Variants in GPC5 observed in about 807,000 individuals in gnomAD.
GPC5 encodes the protein glypican 5, also known as glypican-5.
In GPC5, 47 loss-of-function variants were observed where a neutral mutation model predicts 53.9. The ratio of observed to expected loss-of-function variants is 0.87; its 90% confidence interval spans 0.69 to 1.11. The LOEUF is 1.11. Ranked by LOEUF, GPC5 falls within the 50% of genes most tolerant of loss-of-function variation. GPC5 has a pLI of 0.00. For synonymous variants in GPC5, 286 were observed against 263.3 expected, an observed-to-expected ratio of 1.09 and a Z score of -0.84; for missense variants, 748 against 713.1, an observed-to-expected ratio of 1.05 and a Z score of -0.56.
chr13:92,666,650 T>C (rs777586535), intron 7 of GPC5, among the ~76,000 whole-genome samples: 30 of 152,204 alleles, frequency 2.0e-4, no homozygotes, highest in Non-Finnish European at 3.5e-4. Flanking sequence ...AAAATTTCCA[T>C]TTCCTATGCT....
rs9589382 is a variant in GPC5, at chr13:91,964,026, G to T, written c.1401+55969G>T. ...GAATTGGTGGGTTCTTGGTCTCGCC[G>T]ACTTCAAGAATGAAGCCATGGACTC... On this transcript the variant is annotated intron_variant, in intron 6 of 7. Transcript: ENST00000377067. Among the ~76,000 whole-genome samples the T allele has an allele frequency of 4.6e-5, 7 of 152,194 alleles. No individual in the cohort carries two copies. The South Asian group carries it at 6.2e-4, about 14-fold the overall frequency.
At chr13:92,554,456 G>A (rs1453748371) in intron 7 of GPC5, among the ~76,000 whole-genome samples, 3 of 151,134 alleles carry the variant, frequency 2.0e-5, no homozygotes, top group Non-Finnish European at 4.4e-5. Flanking sequence ...TATTTCTATT[G>A]TATTTTCCTA....
chr13:92,002,221 A>G (rs929295142), intron 6 of GPC5, among the ~76,000 whole-genome samples: 1 of 152,216 alleles, frequency 6.6e-6, no homozygotes, highest in Admixed American at 6.5e-5. Context: ...GAAAGGTTAA[A>G]AAAGAATGCT....
rs1310274816 is a variant in GPC5 at position 92,240,141 on chromosome 13, A to G, written c.1561+95152A>G. ...AAGACGTTATCAATACTATTCTAAT[A>G]CTGATGTTGTAGATTATATCTATTT... On this transcript the variant is annotated intron_variant, in intron 7 of 7. Transcript: ENST00000377067. The G allele has an allele frequency of 2.0e-5, 3 of 152,164 alleles. No homozygotes were observed. The East Asian group carries it at 5.8e-4, about 29-fold the overall frequency. The allele number at this position is 152,164 out of a possible 1,614,324, so 9.4% of individuals were successfully genotyped here. A position where few individuals can be genotyped will look rare whatever the true frequency, so the allele number is the denominator to read the frequency against.
chr13:91,621,761 T>TATATATCTATATATA (rs11462875), intron 2 of GPC5, among the ~76,000 whole-genome samples: 1 of 46,866 alleles, frequency 2.1e-5, no homozygotes, highest in East Asian at 7.3e-4. Context: ...GGACAGAACA[T>TATATATCTATATATA]TATATATATA....
chr13:91,880,598 C>G (rs574615077), intron 5 of GPC5, among the ~76,000 whole-genome samples: 2 of 152,082 alleles, frequency 1.3e-5, no homozygotes, highest in African/African-American at 2.4e-5. Context: ...TATTCTCACT[C>G]GTCAGACATT....
chr13:91,523,169 G>A (rs1594205306), intron 2 of GPC5, among the ~76,000 whole-genome samples: 1 of 152,276 alleles, frequency 6.6e-6, no homozygotes, highest in East Asian at 1.9e-4. Context: ...TGGTCATTTT[G>A]GAAAGCAGAA....
At chr13:92,369,030 T>C (rs528411787) in intron 7 of GPC5, among the ~76,000 whole-genome samples, 2 of 152,332 alleles carry the variant, frequency 1.3e-5, no homozygotes, top group South Asian at 4.1e-4. Context: ...TGTTTGGATG[T>C]ATTCATTCAC....
At position 91,460,102 on chromosome 13, in the gene GPC5, T is replaced by G. The variant is rs140486827; in HGVS notation, c.325+11180T>G. Among the ~76,000 whole-genome samples, 202 of 152,236 alleles carry G rather than the reference T, an allele frequency of 1.3e-3. 1 individual carries two copies. Among genetic ancestry groups the G allele is most frequent in the African/African-American group, 4.5e-3 (185 of 41,566 alleles). Reference sequence around the variant, plus strand: ...AACATGCTTATGTAAAAATTGAAAATAGAATTATTTATTAGTCAATAACCC... The same window carrying G: ...AACATGCTTATGTAAAAATTGAAAAGAGAATTATTTATTAGTCAATAACCC... On this transcript the variant is annotated intron_variant, in intron 2 of 7. Transcript: ENST00000377067.
At chr13:92,704,344 G>C (rs545099015) in intron 7 of GPC5, among the ~76,000 whole-genome samples, 1 of 152,136 alleles carries the variant, frequency 6.6e-6, no homozygotes, top group African/African-American at 2.4e-5. Context: ...CAATATGAGA[G>C]AATTTCCATG....
intron 7 of GPC5, among the ~76,000 whole-genome samples, chr13:92,501,770 T>C (rs1880191713): frequency 6.6e-6 from 1 of 152,112 alleles, no homozygotes; most frequent in Admixed American, 6.6e-5. Flanking sequence ...AGATTTCTCA[T>C]CAGAAATTGT....
intron 5 of GPC5, among the ~76,000 whole-genome samples, chr13:91,786,863 T>A (rs1233686138): frequency 1.3e-5 from 2 of 152,088 alleles, no homozygotes; most frequent in African/African-American, 2.4e-5. Flanking sequence ...GGGCTCTTCA[T>A]CATTCTTTTT....
chr13:92,257,546 A>ATTTTTGTTTTTTTTTTTTTTTTTTTT (rs2042735211), intron 7 of GPC5, among the ~76,000 whole-genome samples: 2 of 72,966 alleles, frequency 2.7e-5, no homozygotes, highest in Non-Finnish European at 2.3e-5. Context: ...TAATACAGGG[A>ATTTTTGTTTTTTTTTTTTTTTTTTTT]TTTTTTTTTT....
intron 7 of GPC5, among the ~76,000 whole-genome samples, chr13:92,465,594 T>C (rs76170790): frequency 6.6e-6 from 1 of 152,022 alleles, no homozygotes; most frequent in African/African-American, 2.4e-5. Context: ...CATGTGTATA[T>C]TTTTTTAATC....
chr13:91,704,059 T>C (rs2036047307), intron 3 of GPC5, among the ~76,000 whole-genome samples: 1 of 152,196 alleles, frequency 6.6e-6, no homozygotes, highest in Non-Finnish European at 1.5e-5. Flanking sequence ...TTCTGGTTGA[T>C]CTAGCCATTG....
At chr13:91,462,671 A>G (rs1335866297) in intron 2 of GPC5, among the ~76,000 whole-genome samples, 34 of 152,074 alleles carry the variant, frequency 2.2e-4, no homozygotes, top group Non-Finnish European at 2.9e-5. Flanking sequence ...TCTGGAAAGT[A>G]TAATTTGGGA....
intron 7 of GPC5, among the ~76,000 whole-genome samples, chr13:92,678,241 T>C (rs1887009811): frequency 6.6e-6 from 1 of 152,160 alleles, no homozygotes; most frequent in East Asian, 1.9e-4. Context: ...CAAACAAATA[T>C]ATAAGAAAGA....
At chr13:91,749,369 A>G (rs146835966) in intron 4 of GPC5, among the ~76,000 whole-genome samples, 9 of 152,332 alleles carry the variant, frequency 5.9e-5, no homozygotes, top group African/African-American at 1.9e-4. Flanking sequence ...ATTCATTTTT[A>G]TGGCTGAGTA....
chr13:92,205,174 G>A (rs746565307), intron 7 of GPC5, among the ~76,000 whole-genome samples: 4 of 151,988 alleles, frequency 2.6e-5, no homozygotes, highest in Admixed American at 2.0e-4. Flanking sequence ...CACCGCACCC[G>A]GCCCTGTTTT....
Sources: gnomAD v4.1 joint callset for allele counts (sites outside exome capture counted in the v4.1 genomes callset) on GRCh38, gnomAD v4.1.1 for gene constraint, MANE v1.5 for transcripts, NCBI Gene and HGNC (gene_info 2026-07-23, HGNC 2026-07-21) for gene names.